Variants in OSBPL6 observed in about 807,000 individuals in gnomAD.
The protein encoded by OSBPL6 is oxysterol-binding protein-related protein 6.
OSBPL6 carries 49 observed loss-of-function variants against 125.8 expected under a neutral mutation model. The ratio of observed to expected loss-of-function variants is 0.39; its 90% CI spans 0.31 to 0.49. The LOEUF (loss-of-function observed/expected upper bound fraction) is 0.49. Ranked by LOEUF, OSBPL6 falls within the 20% of genes least tolerant of loss-of-function variation. The pLI, the probability that OSBPL6 is intolerant of heterozygous loss-of-function variation, is 0.88. For synonymous variants in OSBPL6, 394 were observed against 391.8 expected, an observed-to-expected ratio of 1.01 and a Z score of -0.07; for missense variants, 986 against 1,135.4, an observed-to-expected ratio of 0.87 and a Z score of 1.89.
chr2:178,349,458 T>C, intron 12 of OSBPL6, 69 bp downstream of exon 12: 1 of 1,528,338 alleles, frequency 6.5e-7, no homozygotes, highest in Non-Finnish European at 8.9e-7. Context: ...CTTTGTTCTT[T>C]TATCTTTGTC....
At chr2:178,352,620 A>C (rs1691380396) in intron 12 of OSBPL6, among the ~76,000 whole-genome samples, 1 of 152,226 alleles carries the variant, frequency 6.6e-6, no homozygotes, top group African/African-American at 2.4e-5. Context: ...GCAGCTCAGT[A>C]AGGCCTATTG....
chr2:178,223,257 A>G (rs1423408530), intron 1 of OSBPL6, among the ~76,000 whole-genome samples: 2 of 152,238 alleles, frequency 1.3e-5, no homozygotes, highest in Non-Finnish European at 2.9e-5. Context: ...TTATTCAGAT[A>G]GAGCATTTTT....
At chr2:178,268,515 T>C (rs2092302055) in intron 1 of OSBPL6, among the ~76,000 whole-genome samples, 2 of 152,222 alleles carry the variant, frequency 1.3e-5, no homozygotes, top group South Asian at 4.1e-4. Flanking sequence ...TCTAGCATGT[T>C]GGATGGTTCT....
In OSBPL6 at chr2:178,363,267, G is replaced by A. The variant is rs572616849; in HGVS notation, c.1287+1452G>A. On this transcript the variant is annotated intron_variant, in intron 13 of 24. Coordinates refer to ENST00000190611, the MANE Select transcript of OSBPL6 (RefSeq NM_032523.4). Reference sequence around the variant, plus strand: ...AGAGAATGGTAAATAAAGATCTCGGGTCGGGCTTCAGGTGAGATTAGAAAT... The same window carrying A: ...AGAGAATGGTAAATAAAGATCTCGGATCGGGCTTCAGGTGAGATTAGAAAT... 2.0e-5 allele frequency among the ~76,000 whole-genome samples: 3 copies of A among 152,226 alleles called. No homozygotes were observed. The South Asian group carries it at 6.2e-4, about 32-fold the overall frequency.
At chr2:178,376,122 A>G (rs1054587040) in intron 15 of OSBPL6, among the ~76,000 whole-genome samples, 3 of 152,164 alleles carry the variant, frequency 2.0e-5, no homozygotes, top group Admixed American at 2.0e-4. Context: ...TCTAAAACTC[A>G]AGGACAGAAC....
chr2:178,331,635 G>A (rs2154077384), intron 6 of OSBPL6, 30 bp downstream of exon 6: 1 of 1,610,576 alleles, frequency 6.2e-7, no homozygotes, highest in Non-Finnish European at 8.5e-7. Context: ...TGTTTCAAAG[G>A]TTGATTTCGA....
intron 1 of OSBPL6, among the ~76,000 whole-genome samples, chr2:178,249,447 A>G (rs1485055350): frequency 1.3e-5 from 2 of 152,166 alleles, no homozygotes; most frequent in African/African-American, 2.4e-5. Flanking sequence ...GATTTTCACT[A>G]TGATAGTAGT....
At chr2:178,320,837 G>C (rs1688172524) in intron 3 of OSBPL6, among the ~76,000 whole-genome samples, 1 of 152,168 alleles carries the variant, frequency 6.6e-6, no homozygotes, top group Admixed American at 6.5e-5. Context: ...GTTTTCAAAA[G>C]TTCTATCCTA....
At chr2:178,306,394 T>C in intron 3 of OSBPL6, 108 bp downstream of exon 3, 1 of 696,472 alleles carries the variant, frequency 1.4e-6, no homozygotes, top group Non-Finnish European at 2.5e-6. Flanking sequence ...AAGTCTTTTA[T>C]TCCAAGTGAA....
chr2:178,398,003 G>A lies in OSBPL6; in HGVS notation c.*2444G>A, dbSNP rs1028131105. ...CTGATTATTCCAATTCAAGTGTTCA[G>A]TTAAGTTTTAGTTACTATTCCTATA... On this transcript the variant is annotated 3_prime_UTR_variant, in exon 25 of 25. Transcript: ENST00000190611. 6.6e-5 allele frequency: 10 copies of A among 152,196 alleles called. No individual in the cohort carries two copies. Among genetic ancestry groups the A allele is most frequent in the Admixed American group, 6.5e-4 (10 of 15,278 alleles). 9.4% of individuals were successfully genotyped at this position (152,196 alleles called of 1,614,324 possible).
At chr2:178,326,451 AC>A (rs879545692) in intron 4 of OSBPL6, among the ~76,000 whole-genome samples, 5 of 152,138 alleles carry the variant, frequency 3.3e-5, no homozygotes, top group Non-Finnish European at 7.3e-5. Context: ...TTATAAGTAA[AC>A]CCAGGAAAAT....
intron 1 of OSBPL6, among the ~76,000 whole-genome samples, chr2:178,240,192 G>C (rs376090966): frequency 1.3e-5 from 2 of 152,102 alleles, no homozygotes; most frequent in East Asian, 3.9e-4. Flanking sequence ...AAGATGAAAA[G>C]GTTCTGGAGA....
chr2:178,200,222 C>T (rs377190949), intron 1 of OSBPL6, among the ~76,000 whole-genome samples: 1 of 148,484 alleles, frequency 6.7e-6, no homozygotes, highest in East Asian at 2.0e-4. Context: ...TAAATGCAAG[C>T]AAGCAAGGTT....
chr2:178,311,241 CT>C (rs1687241438), intron 3 of OSBPL6, among the ~76,000 whole-genome samples: 1 of 152,174 alleles, frequency 6.6e-6, no homozygotes, highest in African/African-American at 2.4e-5. Flanking sequence ...GGCCTTTGCA[CT>C]TCTGGTCCCC....
chr2:178,211,260 A>T (rs1292796824), intron 1 of OSBPL6, among the ~76,000 whole-genome samples: 1 of 152,198 alleles, frequency 6.6e-6, no homozygotes, highest in Non-Finnish European at 1.5e-5. Context: ...ACAGAGTGAG[A>T]TCCTATCTCA....
intron 12 of OSBPL6, among the ~76,000 whole-genome samples, chr2:178,352,225 T>C (rs183762621): frequency 4.6e-5 from 7 of 152,138 alleles, no homozygotes; most frequent in Admixed American, 2.0e-4. Context: ...GTTCATCTCA[T>C]TGGGACTGGT....
intron 9 of OSBPL6, among the ~76,000 whole-genome samples, chr2:178,337,207 TA>T (rs1344920598): frequency 6.6e-6 from 1 of 152,218 alleles, no homozygotes; most frequent in Non-Finnish European, 1.5e-5. Context: ...TCAATTAGTT[TA>T]TTTTTAGATG....
Position 178,337,949 on chromosome 2 carries a change from C to CT in OSBPL6, c.791-1032dup, listed in dbSNP as rs755944128. Among the ~76,000 whole-genome samples, 47 of 139,146 alleles carry CT rather than the reference C, an allele frequency of 3.4e-4. 2 individuals carry two copies. Among genetic ancestry groups the CT allele is most frequent in the Middle Eastern group, 3.8e-3 (1 of 264 alleles). The allele number at this position is 139,146 out of a possible 152,430, so 91.3% of individuals were successfully genotyped here. A position where few individuals can be genotyped will look rare whatever the true frequency, so the allele number is the denominator to read the frequency against. ...AATAAGAAAAGTAACTCAGTATTCT[C>CT]TTTTTTTTTTGAGACGGAGTCTTGC... On this transcript the variant is annotated intron_variant, in intron 9 of 24. Transcript: ENST00000190611.
intron 1 of OSBPL6, among the ~76,000 whole-genome samples, chr2:178,258,589 T>C (rs2091958893): frequency 6.6e-6 from 1 of 152,198 alleles, no homozygotes; most frequent in South Asian, 2.1e-4. Context: ...TTAAAAATTT[T>C]TAAGAAGTTT....
Sources: gnomAD v4.1 joint callset for allele counts (sites outside exome capture counted in the v4.1 genomes callset) on GRCh38, gnomAD v4.1.1 for gene constraint, MANE v1.5 for transcripts, NCBI Gene and HGNC (gene_info 2026-07-23, HGNC 2026-07-21) for gene names.